CERS6: variants seen among roughly 807,000 people sequenced by gnomAD.
CERS6 encodes ceramide synthase 6.
A neutral mutation model predicts 56.8 loss-of-function variants in CERS6; 26 were observed. The observed-to-expected ratio is 0.46, with a 90% CI of 0.34 to 0.63. The LOEUF (loss-of-function observed/expected upper bound fraction) is 0.63, where lower values mean the gene tolerates loss of function less well. CERS6 is among the 30% of genes least tolerant of loss of function. The probability of loss-of-function intolerance (pLI) is 0.01; values close to 1 mark genes in which losing one functional copy is unlikely to be tolerated. For missense variants in CERS6, 415 were observed against 467.5 expected, an observed-to-expected ratio of 0.89 and a Z score of 1.04; for synonymous variants, 164 against 173.3, an observed-to-expected ratio of 0.95 and a Z score of 0.42.
At chr2:168,580,994 T>G (rs1683394002) in intron 3 of CERS6, among the ~76,000 whole-genome samples, 2 of 152,184 alleles carry the variant, frequency 1.3e-5, no homozygotes, top group East Asian at 3.9e-4. Flanking sequence ...CTGGGCCTTC[T>G]TAAATCTATG....
chr2:168,669,137 C>A lies in CERS6; in HGVS notation c.466-21897C>A, dbSNP rs189471553. 1.6e-3 allele frequency among the ~76,000 whole-genome samples: 241 copies of A among 152,218 alleles called. 1 individual carries two copies. The highest frequency in any genetic ancestry group is 3.4e-3 in the Middle Eastern group (1 of 294). On this transcript the variant is annotated intron_variant, in intron 4 of 9. Transcript: ENST00000305747. ...AGTCTGAAGTCTGATATGATGGTTCCATTATGTTATTAAGGATATGGGGAC... is the reference window on the plus strand; with the variant it reads ...AGTCTGAAGTCTGATATGATGGTTCAATTATGTTATTAAGGATATGGGGAC...
intron 8 of CERS6, among the ~76,000 whole-genome samples, chr2:168,726,657 A>G (rs1379513667): frequency 6.6e-6 from 1 of 152,138 alleles, no homozygotes; most frequent in Non-Finnish European, 1.5e-5. Context: ...AATGGTAAAT[A>G]CTCTACCTAC....
chr2:168,673,551 C>A (rs1227427707), intron 4 of CERS6, among the ~76,000 whole-genome samples: 1 of 152,094 alleles, frequency 6.6e-6, no homozygotes, highest in Admixed American at 6.6e-5. Context: ...TGAAGTAATT[C>A]TAGAAATTAT....
intron 1 of CERS6, among the ~76,000 whole-genome samples, chr2:168,498,768 C>T (rs192674703): frequency 1.3e-5 from 2 of 152,266 alleles, no homozygotes; most frequent in African/African-American, 4.8e-5. Flanking sequence ...TGCGCTGAAA[C>T]GCAGAAGGGA....
intron 3 of CERS6, among the ~76,000 whole-genome samples, chr2:168,623,510 CTT>C (rs1684521449): frequency 6.6e-6 from 1 of 152,108 alleles, no homozygotes; most frequent in South Asian, 2.1e-4. Context: ...GAGAGAGACA[CTT>C]TGGCTAAAAG....
At position 168,515,438 on chromosome 2, in the gene CERS6, A is replaced by G. The variant is rs991203180; in HGVS notation, c.171-32158A>G. 2.4e-4 allele frequency among the ~76,000 whole-genome samples: 37 copies of G among 152,254 alleles called. 1 individual carries two copies. The highest frequency in any genetic ancestry group is 8.7e-4 in the African/African-American group (36 of 41,564). ...AAGGAAAATTCTTTAAACTTTAAAG[A>G]TGGTCCTGGCCCAGAATCTTTGAGA... On this transcript the variant is annotated intron_variant, in intron 1 of 9. Coordinates refer to ENST00000305747, the MANE Select transcript of CERS6 (RefSeq NM_203463.3).
At chr2:168,713,832 T>C (rs909633727) in intron 6 of CERS6, among the ~76,000 whole-genome samples, 3 of 151,844 alleles carry the variant, frequency 2.0e-5, no homozygotes, top group African/African-American at 7.3e-5. Context: ...GCCAACATGG[T>C]AGGATTCTTA....
intron 8 of CERS6, among the ~76,000 whole-genome samples, chr2:168,752,676 T>G (rs1179318284): frequency 6.6e-6 from 1 of 152,216 alleles, no homozygotes; most frequent in Non-Finnish European, 1.5e-5. Flanking sequence ...CCGTAGCCAT[T>G]ACTATCCGAC....
intron 1 of CERS6, among the ~76,000 whole-genome samples, chr2:168,476,284 A>G (rs1694068596): frequency 6.6e-6 from 1 of 152,120 alleles, no homozygotes; most frequent in African/African-American, 2.4e-5. Context: ...ATAAAGAAAA[A>G]AAAATCAATG....
intron 4 of CERS6, among the ~76,000 whole-genome samples, chr2:168,654,680 C>A (rs1685426564): frequency 6.6e-6 from 1 of 152,208 alleles, no homozygotes; most frequent in African/African-American, 2.4e-5. Flanking sequence ...TCTAAATATT[C>A]TCTGGCCATC....
At chr2:168,551,602 A>G (rs1172011868) in intron 2 of CERS6, among the ~76,000 whole-genome samples, 1 of 152,222 alleles carries the variant, frequency 6.6e-6, no homozygotes, top group Non-Finnish European at 1.5e-5. Context: ...CATGAGGGTT[A>G]AATAATCATG....
chr2:168,716,771 T>C (rs547048539), intron 7 of CERS6, among the ~76,000 whole-genome samples: 2 of 152,278 alleles, frequency 1.3e-5, no homozygotes, highest in East Asian at 1.9e-4. Context: ...GAAGTGTTCA[T>C]GAAATTAAAA....
At chr2:168,608,096 G>T (rs998740811) in intron 3 of CERS6, among the ~76,000 whole-genome samples, 3 of 152,108 alleles carry the variant, frequency 2.0e-5, no homozygotes, top group Non-Finnish European at 4.4e-5. Context: ...ATTTTCTGTC[G>T]CAATAGATTT....
At chr2:168,557,720 G>A (rs1695710032) in intron 2 of CERS6, among the ~76,000 whole-genome samples, 1 of 152,194 alleles carries the variant, frequency 6.6e-6, no homozygotes, top group Non-Finnish European at 1.5e-5. Context: ...CATTGGGAAT[G>A]AGGGAGGCTT....
intron 4 of CERS6, among the ~76,000 whole-genome samples, chr2:168,670,972 C>CCA (rs1553506518): frequency 4.9e-5 from 3 of 61,490 alleles, no homozygotes; most frequent in South Asian, 8.6e-4. Context: ...TGCTTCCCCC[C>CCA]CCCCCCCCAG....
chr2:168,652,179 A>G (rs1463541252), intron 4 of CERS6, among the ~76,000 whole-genome samples: 1 of 152,118 alleles, frequency 6.6e-6, no homozygotes, highest in Non-Finnish European at 1.5e-5. Context: ...ACTTAGTTCA[A>G]CGAAATCAGT....
intron 2 of CERS6, among the ~76,000 whole-genome samples, chr2:168,552,149 AT>A (rs1209216133): frequency 6.6e-6 from 1 of 152,048 alleles, no homozygotes; most frequent in Admixed American, 6.6e-5. Context: ...ATTTCCTTTC[AT>A]TTTTATTTTA....
At chr2:168,766,586 TTC>T (rs1355886835) in intron 9 of CERS6, among the ~76,000 whole-genome samples, 10 of 152,344 alleles carry the variant, frequency 6.6e-5, no homozygotes, top group Non-Finnish European at 1.0e-4. Flanking sequence ...GAAGAAGAAT[TTC>T]TTTCACTACC....
rs77746680 is a variant in CERS6 at position 168,730,023 on chromosome 2, G to A, written c.845+12045G>A. On this transcript the variant is annotated intron_variant, in intron 8 of 9. Transcript: ENST00000305747. ...GTTAAATGGAGAATGAAATTTTAGC[G>A]TTTCCCCTGCAGTTTGGCACAATGA... 2.2e-4 allele frequency among the ~76,000 whole-genome samples: 34 copies of A among 152,280 alleles called. No homozygotes were observed. In the East Asian group the frequency reaches 4.2e-3, roughly 19 times the overall value.
Sources: allele counts gnomAD v4.1 joint callset (sites outside exome capture counted in the v4.1 genomes callset), GRCh38; gene constraint gnomAD v4.1.1; transcripts MANE v1.5; gene names NCBI Gene and HGNC (gene_info 2026-07-23, HGNC 2026-07-21).